MACROD2: variants seen among roughly 807,000 people sequenced by gnomAD.
MACROD2 encodes ADP-ribose glycohydrolase MACROD2.
MACROD2 carries 36 observed loss-of-function variants against 70.4 expected under a neutral mutation model. The ratio of observed to expected loss-of-function variants is 0.51; its 90% CI spans 0.39 to 0.68. The LOEUF is 0.68. Ranked by LOEUF, MACROD2 falls within the 30% of genes least tolerant of loss-of-function variation. The pLI, the probability that MACROD2 is intolerant of heterozygous loss-of-function variation, is 0.00. For synonymous variants in MACROD2, 172 were observed against 178.8 expected (o/e 0.96, Z 0.30); for missense variants, 496 against 538.4 (o/e 0.92, Z 0.78).
intron 5 of MACROD2, among the ~76,000 whole-genome samples, chr20:15,122,226 T>C (rs934890500): frequency 6.6e-6 from 1 of 152,194 alleles, no homozygotes; most frequent in Non-Finnish European, 1.5e-5. Flanking sequence ...TGGTTATTGG[T>C]TCACGGACAT....
intron 3 of MACROD2, among the ~76,000 whole-genome samples, chr20:14,185,779 T>G (rs569695795): frequency 6.6e-6 from 1 of 152,288 alleles, no homozygotes; most frequent in African/African-American, 2.4e-5. Flanking sequence ...ACCTCCTTTG[T>G]AAATGATAAC....
At chr20:15,809,896 G>A (rs2063802802) in intron 8 of MACROD2, among the ~76,000 whole-genome samples, 1 of 145,662 alleles carries the variant, frequency 6.9e-6, no homozygotes, top group Non-Finnish European at 1.5e-5. Flanking sequence ...TAAGTTTTAG[G>A]GTACATGTGC....
At position 14,533,228 on chromosome 20, in the gene MACROD2, T is replaced by C. The variant is rs6135169; in HGVS notation, c.301+39720T>C. Among the ~76,000 whole-genome samples, 70 of 152,356 alleles carry C rather than the reference T, an allele frequency of 4.6e-4. 1 individual carries two copies. The East Asian group carries it at 0.011, about 23-fold the overall frequency. The stretch of plus-strand genomic sequence containing the variant: ...TTTTCGTTCTTTATTTCTTGATCCT[T>C]ATTTCTGCTTTCTTTAGCAATTTCT... On this transcript the variant is annotated intron_variant, in intron 4 of 17. Transcript: ENST00000684519.
At chr20:14,898,469 G>A (rs6135301) in intron 5 of MACROD2, among the ~76,000 whole-genome samples, 10,626 of 152,134 alleles carry the variant, frequency 0.07, 526 homozygotes, top group East Asian at 0.23. Flanking sequence ...TGGCTCACGC[G>A]TATAATCCCA....
intron 5 of MACROD2, among the ~76,000 whole-genome samples, chr20:14,902,983 T>C (rs1390373474): frequency 6.6e-6 from 1 of 151,698 alleles, no homozygotes; most frequent in Non-Finnish European, 1.5e-5. Context: ...AAAACCCATG[T>C]AGTAAAAGAA....
At position 15,405,294 on chromosome 20, in the gene MACROD2, T is replaced by C. The variant is rs182607460; in HGVS notation, c.541-26111T>C. On this transcript the variant is annotated intron_variant, in intron 6 of 17. Transcript: ENST00000684519. The stretch of plus-strand genomic sequence containing the variant: ...CTTTAAAATGATTAATATTATCTTA[T>C]CTTATGTGAATTTCATCTCAATGAA... Among the ~76,000 whole-genome samples the C allele has an allele frequency of 1.7e-3, 252 of 152,138 alleles. 5 individuals carry two copies. The highest frequency in any genetic ancestry group is 0.013 in the Admixed American group (198 of 15,272).
At chr20:14,434,631 A>T (rs2084035562) in intron 3 of MACROD2, among the ~76,000 whole-genome samples, 2 of 152,164 alleles carry the variant, frequency 1.3e-5, no homozygotes, top group African/African-American at 4.8e-5. Flanking sequence ...CTCCTGAATC[A>T]TAAGCTTTCC....
At chr20:15,243,638 G>A (rs1415166081) in intron 6 of MACROD2, among the ~76,000 whole-genome samples, 2 of 152,106 alleles carry the variant, frequency 1.3e-5, no homozygotes, top group African/African-American at 2.4e-5. Context: ...TGAGCTGGCC[G>A]GGCACGGTGG....
At chr20:14,824,836 T>C (rs1276593928) in intron 5 of MACROD2, among the ~76,000 whole-genome samples, 1 of 152,132 alleles carries the variant, frequency 6.6e-6, no homozygotes, top group Non-Finnish European at 1.5e-5. Flanking sequence ...ATTTAAGTTC[T>C]CAGGCAGAAA....
intron 5 of MACROD2, among the ~76,000 whole-genome samples, chr20:15,015,098 G>T (rs1259725340): frequency 6.6e-6 from 1 of 152,002 alleles, no homozygotes. Context: ...ACTAATCTCA[G>T]CAGTATAAAT....
intron 8 of MACROD2, among the ~76,000 whole-genome samples, chr20:15,850,045 G>C (rs983731797): frequency 1.3e-5 from 2 of 152,146 alleles, no homozygotes; most frequent in African/African-American, 4.8e-5. Context: ...ATTAACACTT[G>C]ATAGGCTGAA....
chr20:14,165,510 G>A (rs2055255008), intron 3 of MACROD2, among the ~76,000 whole-genome samples: 1 of 152,032 alleles, frequency 6.6e-6, no homozygotes, highest in African/African-American at 2.4e-5. Flanking sequence ...CTTGCTATTT[G>A]GGTTCTTCTT....
intron 2 of MACROD2, among the ~76,000 whole-genome samples, chr20:14,032,591 AT>A (rs2053258627): frequency 6.6e-6 from 1 of 152,132 alleles, no homozygotes; most frequent in African/African-American, 2.4e-5. Context: ...TTACCTGTTC[AT>A]AACCTTTGCC....
Position 15,862,802 on chromosome 20 carries a change from A to G in MACROD2, c.703A>G (p.Lys235Glu). ...AGTTGACTTCAAAATCTACAAAAAGAAAATGAATGAGTTTTTCTCCGTAGG... is the reference window on the plus strand; with the variant it reads ...AGTTGACTTCAAAATCTACAAAAAGGAAATGAATGAGTTTTTCTCCGTAGG... ...LEVDFKIYKK[K>E]MNEFFSVDDN... The change falls in exon 9 of 18, where the codon AAA becomes GAA. Residue 235 changes from lysine to glutamate, a missense_variant. Transcript: ENST00000684519. 1.2e-6 allele frequency: 2 copies of G among 1,612,836 alleles called. No individual in the cohort carries two copies. Among genetic ancestry groups the G allele is most frequent in the Non-Finnish European group, 1.7e-6 (2 of 1,179,364 alleles).
intron 5 of MACROD2, among the ~76,000 whole-genome samples, chr20:14,940,954 A>G (rs1473782726): frequency 1.3e-5 from 2 of 152,132 alleles, no homozygotes; most frequent in Non-Finnish European, 1.5e-5. Flanking sequence ...TTTTTGAAGA[A>G]TTTGAGTAGA....
chr20:15,688,314 A>G (rs1222409830), intron 8 of MACROD2, among the ~76,000 whole-genome samples: 1 of 152,228 alleles, frequency 6.6e-6, no homozygotes, highest in Non-Finnish European at 1.5e-5. Flanking sequence ...CAAACAGAAC[A>G]GATGAAGTCT....
chr20:15,006,997 C>T (rs1022283388), intron 5 of MACROD2, among the ~76,000 whole-genome samples: 2 of 151,178 alleles, frequency 1.3e-5, no homozygotes, highest in African/African-American at 4.9e-5. Context: ...TTGATAAAAG[C>T]CAATTGCTTT....
chr20:14,459,955 T>G (rs1174658470), intron 3 of MACROD2, among the ~76,000 whole-genome samples: 1 of 152,100 alleles, frequency 6.6e-6, no homozygotes, highest in Non-Finnish European at 1.5e-5. Flanking sequence ...AACTCCCACT[T>G]ATGAGTGAGA....
chr20:14,005,361 C>A (rs941220902), intron 2 of MACROD2, among the ~76,000 whole-genome samples: 1 of 152,146 alleles, frequency 6.6e-6, no homozygotes, highest in Non-Finnish European at 1.5e-5. Flanking sequence ...TATTTATTAA[C>A]TGTTGTTAGC....
Sources: allele counts gnomAD v4.1 joint callset (sites outside exome capture counted in the v4.1 genomes callset), GRCh38; gene constraint gnomAD v4.1.1; transcripts MANE v1.5; gene names NCBI Gene and HGNC (gene_info 2026-07-23, HGNC 2026-07-21).